HTR1F: variants seen among roughly 807,000 people sequenced by gnomAD.
HTR1F encodes the protein 5-hydroxytryptamine (serotonin) receptor 1F, G protein-coupled.
HTR1F carries 17 observed loss-of-function variants against 24.0 expected under a neutral mutation model. That is an observed-to-expected ratio of 0.71 (90% CI 0.48 to 1.06). HTR1F has a LOEUF of 1.06. HTR1F is among the 50% of genes least tolerant of loss of function. HTR1F has a pLI of 0.00. For missense variants in HTR1F, 391 were observed against 427.8 expected, an observed-to-expected ratio of 0.91 and a Z score of 0.76; for synonymous variants, 186 against 156.8, an observed-to-expected ratio of 1.19 and a Z score of -1.39.
intron 2 of HTR1F, chr3:87,910,236 G>A (rs1703748727): frequency 6.6e-6 from 1 of 151,952 alleles, no homozygotes; most frequent in African/African-American, 2.4e-5. Flanking sequence ...TATGAAAGGA[G>A]AAAAGGTTAC....
chr3:87,980,446 G>A (rs1439733841), intron 2 of HTR1F, among the ~76,000 whole-genome samples: 1 of 152,182 alleles, frequency 6.6e-6, no homozygotes, highest in African/African-American at 2.4e-5. Flanking sequence ...GTTTTTATGG[G>A]CTTCAGAAGG....
intron 2 of HTR1F, among the ~76,000 whole-genome samples, chr3:87,962,960 AT>A (rs1036852701): frequency 6.6e-6 from 1 of 151,586 alleles, no homozygotes; most frequent in Non-Finnish European, 1.5e-5. Context: ...AAAATTATGT[AT>A]TTTTTTTACT....
At chr3:87,964,650 G>C (rs918326254) in intron 2 of HTR1F, among the ~76,000 whole-genome samples, 2 of 152,180 alleles carry the variant, frequency 1.3e-5, no homozygotes, top group Non-Finnish European at 2.9e-5. Flanking sequence ...TGAAAACAGA[G>C]GGTTAGTAAA....
rs111534745 is a variant in HTR1F at position 87,906,809 on chromosome 3, G to C, written c.-42-83899G>C. On this transcript the variant is annotated intron_variant, in intron 2 of 2. Coordinates refer to ENST00000319595, the MANE Select transcript of HTR1F (RefSeq NM_001322209.2). ...ATATGAAGTTTGGTTTTTCATTCCT[G>C]AGTTACTTAGAATAATGGTCCCCAG... is the stretch of plus-strand genomic sequence containing the variant. 2.7e-4 allele frequency among the ~76,000 whole-genome samples: 41 copies of C among 151,994 alleles called. 2 individuals are homozygous for C. The highest frequency in any genetic ancestry group is 9.9e-4 in the African/African-American group (41 of 41,482).
intron 2 of HTR1F, among the ~76,000 whole-genome samples, chr3:87,919,588 T>C (rs1229770181): frequency 2.0e-5 from 3 of 151,812 alleles, no homozygotes; most frequent in African/African-American, 7.3e-5. Context: ...CAAAAGAAGA[T>C]ATACAAATGA....
chr3:87,830,418 A>G (rs1320839305), intron 2 of HTR1F, among the ~76,000 whole-genome samples: 3 of 152,174 alleles, frequency 2.0e-5, no homozygotes, highest in Non-Finnish European at 2.9e-5. Context: ...CAGCATATGC[A>G]CACTGATATA....
chr3:87,872,224 C>T (rs1230545910), intron 2 of HTR1F, among the ~76,000 whole-genome samples: 1 of 152,044 alleles, frequency 6.6e-6, no homozygotes, highest in Admixed American at 6.6e-5. Context: ...ATGGAGAACT[C>T]AACATGCCAA....
intron 2 of HTR1F, among the ~76,000 whole-genome samples, chr3:87,962,228 A>G (rs1261303541): frequency 1.3e-5 from 2 of 152,114 alleles, no homozygotes; most frequent in Non-Finnish European, 2.9e-5. Context: ...TTTGGCTACT[A>G]CTTAGGATAG....
At chr3:87,968,550 G>A (rs932125563) in intron 2 of HTR1F, among the ~76,000 whole-genome samples, 6 of 152,068 alleles carry the variant, frequency 3.9e-5, no homozygotes, top group South Asian at 4.1e-4. Context: ...AATTCAAGAG[G>A]TGACTTAAAT....
At chr3:87,965,920 T>A (rs1705153995) in intron 2 of HTR1F, among the ~76,000 whole-genome samples, 2 of 152,224 alleles carry the variant, frequency 1.3e-5, no homozygotes, top group Non-Finnish European at 2.9e-5. Flanking sequence ...GCATCTCAGA[T>A]GGCCTATTAA....
In HTR1F at chr3:87,883,386, A is replaced by C. The variant is rs570270758; in HGVS notation, c.-43+61262A>C. ...GGGAGAAACCAGAGCAGAAAAGCTG[A>C]AAATTCTAAAAACCAGGGCACCTCT... is the stretch of plus-strand genomic sequence containing the variant. On this transcript the variant is annotated intron_variant, in intron 2 of 2. Coordinates refer to ENST00000319595, the MANE Select transcript of HTR1F (RefSeq NM_001322209.2). 2.8e-3 allele frequency among the ~76,000 whole-genome samples: 423 copies of C among 152,298 alleles called. 4 individuals carry two copies. The highest frequency in any genetic ancestry group is 9.7e-3 in the African/African-American group (402 of 41,570).
At chr3:87,859,593 G>T (rs1464318482) in intron 2 of HTR1F, among the ~76,000 whole-genome samples, 1 of 152,182 alleles carries the variant, frequency 6.6e-6, no homozygotes, top group Non-Finnish European at 1.5e-5. Context: ...ATTCAGCAAT[G>T]CTCAATGAAC....
chr3:87,896,095 G>A (rs1217624336), intron 2 of HTR1F, among the ~76,000 whole-genome samples: 1 of 152,192 alleles, frequency 6.6e-6, no homozygotes, highest in African/African-American at 2.4e-5. Flanking sequence ...GAGTGACATT[G>A]CTAGGGACAA....
At chr3:87,959,138 A>C (rs1463870790) in intron 2 of HTR1F, among the ~76,000 whole-genome samples, 1 of 151,838 alleles carries the variant, frequency 6.6e-6, no homozygotes, top group Non-Finnish European at 1.5e-5. Context: ...AGCAGAAAAT[A>C]TTACCATTCT....
At chr3:87,899,723 G>A (rs540328347) in intron 2 of HTR1F, among the ~76,000 whole-genome samples, 2 of 152,160 alleles carry the variant, frequency 1.3e-5, no homozygotes, top group South Asian at 2.1e-4. Flanking sequence ...AATTTAGACA[G>A]GCATAATGGC....
chr3:87,942,444 C>A (rs546129078), intron 2 of HTR1F, among the ~76,000 whole-genome samples: 10 of 152,088 alleles, frequency 6.6e-5, no homozygotes, highest in Non-Finnish European at 1.2e-4. Flanking sequence ...GTGAGGGTGA[C>A]GGCATCGGCT....
At chr3:87,826,830 G>A (rs2932309) in intron 2 of HTR1F, among the ~76,000 whole-genome samples, 56,277 of 151,606 alleles carry the variant, frequency 0.37, 11,422 homozygotes, top group African/African-American at 0.54. Flanking sequence ...ATTATTTTGG[G>A]GACAGGGTCT....
intron 2 of HTR1F, among the ~76,000 whole-genome samples, chr3:87,886,778 G>A (rs1705956638): frequency 6.6e-6 from 1 of 152,160 alleles, no homozygotes; most frequent in African/African-American, 2.4e-5. Context: ...TACAAGGGAT[G>A]TGAAGGACCT....
intron 2 of HTR1F, among the ~76,000 whole-genome samples, chr3:87,893,806 T>C (rs1021503406): frequency 6.6e-6 from 1 of 152,214 alleles, no homozygotes; most frequent in East Asian, 1.9e-4. Context: ...CTAAAATGAT[T>C]GCAAGTTGTG....
Sources: allele counts gnomAD v4.1 joint callset (sites outside exome capture counted in the v4.1 genomes callset), GRCh38; gene constraint gnomAD v4.1.1; transcripts MANE v1.5; gene names NCBI Gene and HGNC (gene_info 2026-07-23, HGNC 2026-07-21).